CELF4: variants seen among roughly 807,000 people sequenced by gnomAD.
CELF4 encodes the protein CUG-BP- and ETR-3-like factor 4.
A neutral mutation model predicts 59.9 loss-of-function variants in CELF4; 18 were observed. The ratio of observed to expected loss-of-function variants is 0.30; its 90% CI spans 0.21 to 0.45. The LOEUF (loss-of-function observed/expected upper bound fraction) is 0.45. Among genes scored for constraint, CELF4 ranks in the 20% least tolerant of loss-of-function variants. The pLI, the probability that CELF4 is intolerant of heterozygous loss-of-function variation, is 1.00. For missense variants in CELF4, 456 were observed against 689.0 expected, an observed-to-expected ratio of 0.66 and a Z score of 3.79; for synonymous variants, 261 against 267.1, an observed-to-expected ratio of 0.98 and a Z score of 0.22.
At chr18:37,424,168 G>A (rs1467775620) in intron 2 of CELF4, among the ~76,000 whole-genome samples, 2 of 152,142 alleles carry the variant, frequency 1.3e-5, no homozygotes, top group Non-Finnish European at 2.9e-5. Context: ...TTCCTGCAAG[G>A]GCCTGATTTG....
chr18:37,257,771 G>T (rs964561262), intron 11 of CELF4, among the ~76,000 whole-genome samples: 3 of 152,104 alleles, frequency 2.0e-5, no homozygotes, highest in African/African-American at 7.2e-5. Context: ...CTGAGTGTCT[G>T]GCAGACTCAG....
chr18:37,289,903 C>T (rs2095212199), intron 3 of CELF4, among the ~76,000 whole-genome samples: 1 of 152,210 alleles, frequency 6.6e-6, no homozygotes, highest in Non-Finnish European at 1.5e-5. Flanking sequence ...GCATTGCCCT[C>T]TTCAGGGAAG....
chr18:37,508,975 G>A (rs892513409), intron 1 of CELF4, among the ~76,000 whole-genome samples: 3 of 152,108 alleles, frequency 2.0e-5, no homozygotes, highest in Non-Finnish European at 2.9e-5. Context: ...CTCCTGGGAC[G>A]TCTGCATACA....
intron 1 of CELF4, among the ~76,000 whole-genome samples, chr18:37,486,546 C>T (rs762772731): frequency 1.3e-5 from 2 of 152,222 alleles, no homozygotes; most frequent in Non-Finnish European, 2.9e-5. Context: ...CCAGCATGCC[C>T]AGTGTCAGGC....
chr18:37,494,798 C>T (rs17750309), intron 1 of CELF4, among the ~76,000 whole-genome samples: 28,949 of 152,080 alleles, frequency 0.19, 3,154 homozygotes, highest in East Asian at 0.45. Flanking sequence ...AGTGTGAGGA[C>T]GGGCCATGCT....
chr18:37,396,466 A>T (rs994613079), intron 2 of CELF4, among the ~76,000 whole-genome samples: 1 of 152,238 alleles, frequency 6.6e-6, no homozygotes, highest in Non-Finnish European at 1.5e-5. Context: ...GATTAAAAAC[A>T]GACAAACAGA....
intron 3 of CELF4, among the ~76,000 whole-genome samples, chr18:37,290,649 G>A (rs1384404136): frequency 6.6e-6 from 1 of 152,170 alleles, no homozygotes; most frequent in Non-Finnish European, 1.5e-5. Flanking sequence ...GAGGGAAGCA[G>A]GGACCACCCC....
rs561883901 is a variant in CELF4, at chr18:37,340,706, C to T, written c.370-18825G>A. 2.0e-5 allele frequency among the ~76,000 whole-genome samples: 3 copies of T among 152,274 alleles called. No individual in the cohort carries two copies. The South Asian group carries it at 6.2e-4, about 32-fold the overall frequency. On this transcript the variant is annotated intron_variant, in intron 2 of 12. Transcript: ENST00000420428. ...GTTGGGTTTTCTCAGATAGTCACAACTAAAGAAGTCTTATTTTTGAAGAAC... is the reference window on the plus strand; with the variant it reads ...GTTGGGTTTTCTCAGATAGTCACAATTAAAGAAGTCTTATTTTTGAAGAAC...
chr18:37,437,654 C>T (rs940034841), intron 2 of CELF4, among the ~76,000 whole-genome samples: 2 of 152,204 alleles, frequency 1.3e-5, no homozygotes, highest in Non-Finnish European at 2.9e-5. Context: ...GGATCTCTGG[C>T]GAGGACACAT....
rs1387604724 is a variant in CELF4 at position 37,540,098 on chromosome 18, G to T, written c.286+25258C>A. ...GTTGAATACCACCCTCCTGACTGTG[G>T]GCTCAGACCCCAGAGTATCTCTCAA... On this transcript the variant is annotated intron_variant, in intron 1 of 12. Transcript: ENST00000420428. Among the ~76,000 whole-genome samples, 6 of 152,316 alleles carry T rather than the reference G, an allele frequency of 3.9e-5. No homozygotes were observed. The East Asian group carries it at 1.2e-3, about 29-fold the overall frequency.
intron 10 of CELF4, among the ~76,000 whole-genome samples, chr18:37,263,945 C>T (rs993252925): frequency 2.6e-5 from 4 of 152,148 alleles, no homozygotes; most frequent in African/African-American, 4.8e-5. Context: ...CCCACCCTCC[C>T]CACTGGCCAA....
At chr18:37,419,972 G>A (rs2099566387) in intron 2 of CELF4, among the ~76,000 whole-genome samples, 1 of 152,216 alleles carries the variant, frequency 6.6e-6, no homozygotes, top group African/African-American at 2.4e-5. Flanking sequence ...CGGGGTTCTG[G>A]CAGCTACATC....
chr18:37,438,206 T>C (rs1275582616), intron 2 of CELF4, among the ~76,000 whole-genome samples: 2 of 152,228 alleles, frequency 1.3e-5, no homozygotes, highest in South Asian at 2.1e-4. Context: ...AACCTCACTA[T>C]GCTGATGTGG....
chr18:37,295,000 G>A (rs2095557096), intron 3 of CELF4, among the ~76,000 whole-genome samples: 1 of 152,220 alleles, frequency 6.6e-6, no homozygotes, highest in Non-Finnish European at 1.5e-5. Context: ...GTCTCGGGCA[G>A]GAAGACATGC....
chr18:37,565,075 C>T (rs1222595804), intron 1 of CELF4, among the ~76,000 whole-genome samples: 1 of 152,242 alleles, frequency 6.6e-6, no homozygotes, highest in South Asian at 2.1e-4. Flanking sequence ...AAAATCCAAG[C>T]CCCGTCTCCT....
At chr18:37,261,442 G>A (rs898347139) in intron 10 of CELF4, among the ~76,000 whole-genome samples, 1 of 152,332 alleles carries the variant, frequency 6.6e-6, no homozygotes, top group African/African-American at 2.4e-5. Flanking sequence ...CACATGCGCG[G>A]TGTGTGGCGG....
intron 2 of CELF4, among the ~76,000 whole-genome samples, chr18:37,357,869 C>A (rs773544939): frequency 1.3e-5 from 2 of 152,148 alleles, no homozygotes; most frequent in Non-Finnish European, 2.9e-5. Context: ...TGTGTGGGGC[C>A]TTTAGCACTT....
intron 3 of CELF4, among the ~76,000 whole-genome samples, chr18:37,278,982 G>A (rs7226721): frequency 0.093 from 14,179 of 152,266 alleles, 892 homozygotes; most frequent in Admixed American, 0.14. Flanking sequence ...TCTGATGCCA[G>A]TTTCGCAAGA....
chr18:37,476,360 A>G, intron 2 of CELF4, among the ~76,000 whole-genome samples: 1 of 152,226 alleles, frequency 6.6e-6, no homozygotes, highest in East Asian at 1.9e-4. Context: ...TTCAGCCACC[A>G]GAAGGGGATG....
Sources: allele counts gnomAD v4.1 joint callset (sites outside exome capture counted in the v4.1 genomes callset), GRCh38; gene constraint gnomAD v4.1.1; transcripts MANE v1.5; gene names NCBI Gene and HGNC (gene_info 2026-07-23, HGNC 2026-07-21).